GMDS: variants seen among roughly 807,000 people sequenced by gnomAD.
The protein encoded by GMDS is GDP-mannose 4,6-dehydratase.
In GMDS, 20 loss-of-function variants were observed where a neutral mutation model predicts 49.9. The ratio of observed to expected loss-of-function variants is 0.40; its 90% CI spans 0.28 to 0.58. The LOEUF (loss-of-function observed/expected upper bound fraction) is 0.58, where lower values mean the gene tolerates loss of function less well. Ranked by LOEUF, GMDS falls within the 20% of genes least tolerant of loss-of-function variation. The pLI is 0.42. For synonymous variants in GMDS, 177 were observed against 178.6 expected (o/e 0.99, Z 0.07); for missense variants, 362 against 481.4 (o/e 0.75, Z 2.32).
At chr6:2,071,509 C>A (rs938252798) in intron 4 of GMDS, among the ~76,000 whole-genome samples, 1 of 151,778 alleles carries the variant, frequency 6.6e-6, no homozygotes, top group African/African-American at 2.4e-5. Context: ...ACATGGCTAC[C>A]TCTTAATTAA....
rs146213151 is a variant in GMDS at position 2,241,970 on chromosome 6, GA to G, written c.102+3350del. 6.0e-3 allele frequency among the ~76,000 whole-genome samples: 914 copies of G among 152,306 alleles called. 9 individuals carry two copies. The highest frequency in any genetic ancestry group is 0.021 in the African/African-American group (872 of 41,564). On this transcript the variant is annotated intron_variant, in intron 1 of 10. Transcript: ENST00000380815. ...ATGGAAAAAGTAAGTCAACAGTTTT[GA>G]AACCCCACTAGATGAAGGCATGTGG... is the stretch of plus-strand genomic sequence containing the variant.
chr6:1,668,175 T>C (rs1764294132), intron 9 of GMDS, among the ~76,000 whole-genome samples: 1 of 152,386 alleles, frequency 6.6e-6, no homozygotes, highest in Non-Finnish European at 1.5e-5. Context: ...AGGTGTTTAC[T>C]TTTTTCTTTT....
At chr6:2,176,022 A>G (rs1191850660) in intron 1 of GMDS, 4 of 1,531,764 alleles carry the variant, frequency 2.6e-6, no homozygotes, top group Non-Finnish European at 2.6e-6. Context: ...GCCTCAGAGC[A>G]CAGATGCTTT....
intron 7 of GMDS, among the ~76,000 whole-genome samples, chr6:1,761,082 C>T (rs1309043912): frequency 6.6e-6 from 1 of 152,094 alleles, no homozygotes; most frequent in Non-Finnish European, 1.5e-5. Flanking sequence ...TCTAGAGAAA[C>T]CTCCCCTTCC....
intron 7 of GMDS, among the ~76,000 whole-genome samples, chr6:1,770,785 C>A (rs1768549454): frequency 6.6e-6 from 1 of 152,186 alleles, no homozygotes; most frequent in Non-Finnish European, 1.5e-5. Flanking sequence ...TAGAAGATCA[C>A]TTAATCAGGA....
intron 4 of GMDS, among the ~76,000 whole-genome samples, chr6:2,026,215 C>A (rs1296604107): frequency 6.6e-6 from 1 of 152,128 alleles, no homozygotes; most frequent in African/African-American, 2.4e-5. Flanking sequence ...GGCCATGTGG[C>A]TCGCTCTTTA....
chr6:1,632,625 C>T (rs1047039645), intron 9 of GMDS, among the ~76,000 whole-genome samples: 1 of 152,166 alleles, frequency 6.6e-6, no homozygotes, highest in African/African-American at 2.4e-5. Context: ...GCCTGTAATC[C>T]CAGTGCTTTG....
At chr6:2,019,433 G>A (rs1470388989) in intron 4 of GMDS, among the ~76,000 whole-genome samples, 1 of 151,866 alleles carries the variant, frequency 6.6e-6, no homozygotes, top group Non-Finnish European at 1.5e-5. Flanking sequence ...TATTACCTGT[G>A]AGTTTTTTCT....
chr6:2,059,446 C>T (rs1458365123), intron 4 of GMDS, among the ~76,000 whole-genome samples: 10 of 151,230 alleles, frequency 6.6e-5, no homozygotes, highest in African/African-American at 2.2e-4. Context: ...CGGTGGCTCA[C>T]GCCTGTAATC....
intron 4 of GMDS, among the ~76,000 whole-genome samples, chr6:2,017,358 G>C (rs1020095010): frequency 6.6e-6 from 1 of 151,868 alleles, no homozygotes; most frequent in African/African-American, 2.4e-5. Flanking sequence ...TGCCAGGCAG[G>C]AGTGCAGTGG....
intron 1 of GMDS, among the ~76,000 whole-genome samples, chr6:2,216,394 A>T (rs1430451836): frequency 6.6e-6 from 1 of 152,248 alleles, no homozygotes; most frequent in African/African-American, 2.4e-5. Context: ...TTACTGGCTT[A>T]AGTTAGTATG....
chr6:1,768,588 C>T (rs547146977), intron 7 of GMDS, among the ~76,000 whole-genome samples: 4 of 152,300 alleles, frequency 2.6e-5, no homozygotes, highest in Non-Finnish European at 5.9e-5. Flanking sequence ...TACCCCAATC[C>T]AAAAATCTGA....
At position 1,937,615 on chromosome 6, in the gene GMDS, G is replaced by A. The variant is rs143283006; in HGVS notation, c.644-7385C>T. Among the ~76,000 whole-genome samples, 236 of 152,256 alleles carry A rather than the reference G, an allele frequency of 1.6e-3. 1 individual carries two copies. In the East Asian group the frequency reaches 0.021, roughly 14 times the overall value. ...TTCCTTGGCTTGTGGTCCAATCTCT[G>A]CCCCCATATTCACACCATATGAATA... On this transcript the variant is annotated intron_variant, in intron 6 of 10. Transcript: ENST00000380815.
rs1581423487 is a variant in GMDS, at chr6:1,959,858, T to C, written c.643+9A>G. 2 of 1,480,124 alleles carry C rather than the reference T, an allele frequency of 1.4e-6. No homozygotes were observed. The allele number at this position is 1,480,124 out of a possible 1,614,324, so 91.7% of individuals were successfully genotyped here. A position where few individuals can be genotyped will look rare whatever the true frequency, so the allele number is the denominator to read the frequency against. ...TGAAATTCTCTTTTCAGTTAATATA[T>C]TTACTGACCTCTTCTGGGACTCTCA... On this transcript the variant is annotated intron_variant, in intron 6 of 10. Coordinates refer to ENST00000380815, the MANE Select transcript of GMDS (RefSeq NM_001500.4).
At chr6:1,759,972 A>G (rs1204750739) in intron 7 of GMDS, among the ~76,000 whole-genome samples, 1 of 152,040 alleles carries the variant, frequency 6.6e-6, no homozygotes, top group Non-Finnish European at 1.5e-5. Flanking sequence ...GGGAATGTCA[A>G]AGACATTTGC....
chr6:2,148,500 A>C (rs1473339584), intron 1 of GMDS, among the ~76,000 whole-genome samples: 1 of 152,076 alleles, frequency 6.6e-6, no homozygotes, highest in Non-Finnish European at 1.5e-5. Flanking sequence ...TGCTCACTGA[A>C]ACCTTCACGT....
chr6:1,687,515 A>T (rs1377219722), intron 9 of GMDS, among the ~76,000 whole-genome samples: 2 of 150,714 alleles, frequency 1.3e-5, no homozygotes, highest in African/African-American at 4.9e-5. Flanking sequence ...TAACTCCTCC[A>T]CTCAGCAGGC....
At position 1,683,967 on chromosome 6, in the gene GMDS, G is replaced by A. The variant is rs58400837; in HGVS notation, c.987+42449C>T. ...AGCTATGAGGGTGGGGTTTGCCATCGGTAGGCCTGGATCCGCCCTCTATCA... is the reference window on the plus strand; with the variant it reads ...AGCTATGAGGGTGGGGTTTGCCATCAGTAGGCCTGGATCCGCCCTCTATCA... On this transcript the variant is annotated intron_variant, in intron 9 of 10. Transcript: ENST00000380815. 1.5e-3 allele frequency among the ~76,000 whole-genome samples: 98 copies of A among 63,980 alleles called. 1 individual carries two copies. The highest frequency in any genetic ancestry group is 2.2e-3 in the East Asian group (3 of 1,340). The allele number at this position is 63,980 out of a possible 152,430, so 42.0% of individuals were successfully genotyped here.
At chr6:2,208,766 G>C (rs1323059117) in intron 1 of GMDS, among the ~76,000 whole-genome samples, 2 of 151,720 alleles carry the variant, frequency 1.3e-5, no homozygotes, top group South Asian at 2.1e-4. Flanking sequence ...TTTAGAAAGA[G>C]CATGTTTTAC....
Sources: gnomAD v4.1 joint callset for allele counts (sites outside exome capture counted in the v4.1 genomes callset) on GRCh38, gnomAD v4.1.1 for gene constraint, MANE v1.5 for transcripts, NCBI Gene and HGNC (gene_info 2026-07-23, HGNC 2026-07-21) for gene names.